The following LLGL2 variants were observed in gnomAD, a reference collection of about 807,000 sequenced individuals.
The protein encoded by LLGL2 is LLGL scribble cell polarity complex component 2, also known as LLGL2, scribble cell polarity complex component.
Under a neutral mutation model 123.2 loss-of-function variants are expected in LLGL2, and 81 were observed. That is an observed-to-expected ratio of 0.66 (90% CI 0.55 to 0.79). The LOEUF is 0.79. LLGL2 is among the 30% of genes least tolerant of loss of function. LLGL2 has a pLI of 0.00. For missense variants in LLGL2, 1,273 were observed against 1,414.6 expected (o/e 0.90, Z 1.61); for synonymous variants, 577 against 594.1 (o/e 0.97, Z 0.42).
chr17:75,574,739 A>C, intron 25 of LLGL2, 71 bp downstream of exon 25: 3 of 1,595,754 alleles, frequency 1.9e-6, no homozygotes, highest in Non-Finnish European at 2.6e-6. Context: ...CCCCGGCCCC[A>C]CTCCCCTGGG....
intron 1 of LLGL2, among the ~76,000 whole-genome samples, chr17:75,532,055 T>TATACAC (rs1555648011): frequency 2.1e-5 from 2 of 93,736 alleles, no homozygotes; most frequent in Admixed American, 1.2e-4. Flanking sequence ...TATGTATATA[T>TATACAC]ACACACACAC....
In LLGL2 at chr17:75,570,424, C is replaced by T. The variant is rs536211924; in HGVS notation, c.1951C>T (p.Arg651Cys). Residue 651 changes from arginine to cysteine, a missense_variant, in exon 16 of 26, where the codon CGT becomes TGT. Physicochemically the swap from Arg to Cys is radical, Grantham distance 180. Coordinates refer to ENST00000392550, the MANE Select transcript of LLGL2 (RefSeq NM_001031803.2). Reference protein sequence around the residue: ...SRVKSLKKSLRQSFRRMRRSR... With the variant: ...SRVKSLKKSLCQSFRRMRRSR... ...CGTCAAGTCCCTCAAGAAGTCCTTG[C>T]GTCAGTCATTCCGCCGGATGCGTCG... 8.7e-6 allele frequency: 14 copies of T among 1,607,490 alleles called. No individual in the cohort carries two copies. The highest frequency in any genetic ancestry group is 3.4e-5 in the Admixed American group (2 of 59,206).
chr17:75,565,239 G>A (rs1347517789), intron 10 of LLGL2, among the ~76,000 whole-genome samples: 1 of 152,236 alleles, frequency 6.6e-6, no homozygotes, highest in Non-Finnish European at 1.5e-5. Context: ...AGTCAGCCTC[G>A]TAAATTGTGT....
chr17:75,572,258 T>G (rs929194225), intron 19 of LLGL2, among the ~76,000 whole-genome samples, 194 bp downstream of exon 19: 1 of 151,994 alleles, frequency 6.6e-6, no homozygotes, highest in Non-Finnish European at 1.5e-5. Flanking sequence ...CCAGGCGCGG[T>G]GACTCATGCC....
Position 75,573,587 on chromosome 17 carries a change from C to T in LLGL2, c.2832C>T (p.Arg944=). Residue 944 remains arginine (R), a synonymous_variant, in exon 21 of 26, where the codon CGC becomes CGT. Transcript: ENST00000392550. ...LVDSAETKNH[R]PGNGAGPKKA... ...ATTCAGCAGAAACCAAGAACCACCG[C>T]CCTGGTAACGGTGCGGGCCCCAAGA... 8.7e-6 allele frequency: 14 copies of T among 1,612,502 alleles called. No homozygotes were observed. Among genetic ancestry groups the T allele is most frequent in the South Asian group, 2.2e-5 (2 of 91,090 alleles).
intron 1 of LLGL2, among the ~76,000 whole-genome samples, chr17:75,536,288 T>A (rs1040066566): frequency 1.3e-5 from 2 of 152,186 alleles, no homozygotes; most frequent in Admixed American, 6.5e-5. Context: ...TGTGGGCTCC[T>A]GAACTTGTCT....
intron 2 of LLGL2, among the ~76,000 whole-genome samples, chr17:75,546,933 G>C (rs917115751): frequency 2.6e-5 from 4 of 152,148 alleles, no homozygotes; most frequent in African/African-American, 9.7e-5. Flanking sequence ...TGTAGGCGAG[G>C]GTCAGGCCCC....
chr17:75,571,990 G>A lies in LLGL2; in HGVS notation c.2386G>A (p.Ala796Thr), dbSNP rs764814251. Residue 796 changes from alanine (A) to threonine (T), a missense_variant, in exon 19 of 26, where the codon GCC becomes ACC. Physicochemically the swap from Ala to Thr is moderately conservative, Grantham distance 58 (BLOSUM62 0). Coordinates refer to ENST00000392550, the MANE Select transcript of LLGL2 (RefSeq NM_001031803.2). ...SVPLPEPLEV[A>T]HDLSKSPDMQ... ...ACCCCTTCCCGAGCCCCTCGAAGTGGCCCATGATCTGTCGAAGAGCCCTGA... is the reference window on the plus strand; with the variant it reads ...ACCCCTTCCCGAGCCCCTCGAAGTGACCCATGATCTGTCGAAGAGCCCTGA... The A allele has an allele frequency of 2.5e-6, 4 of 1,612,728 alleles. No homozygotes were observed. The East Asian group carries it at 8.9e-5, about 36-fold the overall frequency.
At chr17:75,527,799 CAG>C (rs1417916048) in intron 1 of LLGL2, among the ~76,000 whole-genome samples, 1 of 150,692 alleles carries the variant, frequency 6.6e-6, no homozygotes, top group African/African-American at 2.4e-5. Flanking sequence ...TTTTTTGAGG[CAG>C]AGTCTTGCTC....
In LLGL2 at chr17:75,559,313, T is replaced by A; in HGVS notation, c.433T>A (p.Tyr145Asn). The A allele has an allele frequency of 6.2e-7, 1 of 1,613,428 alleles. No homozygotes were observed. Among genetic ancestry groups the A allele is most frequent in the Non-Finnish European group, 8.5e-7 (1 of 1,179,838 alleles). The part of the protein sequence containing the change: ...VLPHSSCELL[Y>N]LGTESGNVFV... ...GCCACATTCCTCCTGCGAGCTGCTC[T>A]ACCTGGGCACCGAGAGTGGCAACGT... The change falls in exon 6 of 26, where the codon TAC (tyrosine) becomes AAC (asparagine). Residue 145 changes from tyrosine to asparagine, a missense_variant. By Grantham distance (143) the Tyr-to-Asn change is moderately radical. Coordinates refer to ENST00000392550, the MANE Select transcript of LLGL2 (RefSeq NM_001031803.2). The surrounding 1 kb of genome is among the most constrained non-coding windows in gnomAD (Gnocchi z 4.6).
chr17:75,567,964 A>AG, intron 10 of LLGL2: 1 of 709,130 alleles, frequency 1.4e-6, no homozygotes, highest in Non-Finnish European at 1.7e-6. Flanking sequence ...AAAAAAAAAA[A>AG]AGACAAATGG....
intron 16 of LLGL2, among the ~76,000 whole-genome samples, 185 bp from the exon 17 acceptor site, chr17:75,570,765 G>A (rs961675626): frequency 6.6e-6 from 1 of 152,170 alleles, no homozygotes; most frequent in Non-Finnish European, 1.5e-5. Context: ...ACAACATGCT[G>A]GGGGCCCAGG....
At position 75,571,924 on chromosome 17, in the gene LLGL2, G is replaced by C. The variant is rs370375483; in HGVS notation, c.2320G>C (p.Ala774Pro). The change falls in exon 19 of 26, where the codon GCG becomes CCG. Residue 774 changes from alanine to proline, a missense_variant. Physicochemically the swap from Ala to Pro is conservative, Grantham distance 27. Transcript: ENST00000392550. ...QAKEIQLMHR[A>P]PVVGILVLDG... is the part of the protein sequence containing the mutation. The stretch of plus-strand genomic sequence containing the variant: ...CAAGGAGATCCAGCTGATGCACCGG[G>C]CGCCGGTGGTGGGCATCCTGGTGCT... 7.4e-6 allele frequency: 12 copies of C among 1,612,346 alleles called. No individual in the cohort carries two copies. Among genetic ancestry groups the C allele is most frequent in the Non-Finnish European group, 1.0e-5 (12 of 1,180,010 alleles).
rs749218398 is a variant in LLGL2, at chr17:75,571,772, G to A, written c.2282G>A (p.Arg761Gln). 1.6e-5 allele frequency: 26 copies of A among 1,607,002 alleles called. No homozygotes were observed. Among genetic ancestry groups the A allele is most frequent in the Non-Finnish European group, 2.0e-5 (24 of 1,179,626 alleles). The change falls in exon 18 of 26, where the codon CGG becomes CAG. Residue 761 changes from arginine (R) to glutamine (Q), a missense_variant. Arg to Gln is a conservative substitution (Grantham distance 43, BLOSUM62 1). Coordinates refer to ENST00000392550, the MANE Select transcript of LLGL2 (RefSeq NM_001031803.2). ...PAERRMDEPV[R>Q]AEQAKEIQLM... The stretch of plus-strand genomic sequence containing the variant: ...GAGCGGAGAATGGATGAGCCTGTGC[G>A]GGCAGAGCAGGGTGAGTGCTGGGCA...
chr17:75,527,961 A>ATT (rs146301005), intron 1 of LLGL2, among the ~76,000 whole-genome samples: 1 of 136,342 alleles, frequency 7.3e-6, no homozygotes, highest in East Asian at 2.3e-4. Context: ...CTAATTTTCT[A>ATT]TTTTTTTTTT....
chr17:75,575,098 T>C lies in LLGL2; in HGVS notation c.*220T>C, dbSNP rs1403953481. ...GTCTGTCTGGGTCCTTTGGTCAATG[T>C]TGCACAGTTTTTATTGCTCCCATCC... On this transcript the variant is annotated 3_prime_UTR_variant, in exon 26 of 26. Transcript: ENST00000392550. 1 of 617,810 alleles carries C rather than the reference T, an allele frequency of 1.6e-6. No homozygotes were observed. The highest frequency in any genetic ancestry group is 2.9e-6 in the Non-Finnish European group (1 of 346,798). 38.3% of individuals were successfully genotyped at this position (617,810 alleles called of 1,614,324 possible).
intron 2 of LLGL2, among the ~76,000 whole-genome samples, chr17:75,551,797 G>A (rs1210079821): frequency 6.6e-6 from 1 of 152,220 alleles, no homozygotes; most frequent in Non-Finnish European, 1.5e-5. Flanking sequence ...CCTAGAAGCT[G>A]CATTGTATAA....
intron 10 of LLGL2, among the ~76,000 whole-genome samples, chr17:75,567,035 G>C (rs2055471630): frequency 6.6e-6 from 1 of 152,194 alleles, no homozygotes; most frequent in African/African-American, 2.4e-5. Flanking sequence ...GAAGACAGAA[G>C]AGAAGCCATG....
Position 75,543,458 on chromosome 17 carries a change from CTG to C in LLGL2, c.35_36del (p.Val12AlafsTer12), listed in dbSNP as rs2054294143. On this transcript the variant is annotated frameshift_variant, in exon 2 of 26. Transcript: ENST00000392550. LOFTEE classifies it high-confidence loss of function. ...CGGTTCCTGAGGCCAGGGCATGACC[CTG>C]TGCGGGAGAGGCTCAAGCGGGACCT... is the stretch of plus-strand genomic sequence containing the variant. 1 of 1,612,106 alleles carries C rather than the reference CTG, an allele frequency of 6.2e-7. No homozygotes were observed. Among genetic ancestry groups the C allele is most frequent in the African/African-American group, 1.3e-5 (1 of 74,886 alleles).
Sources: allele counts gnomAD v4.1 joint callset (sites outside exome capture counted in the v4.1 genomes callset), GRCh38; gene constraint gnomAD v4.1.1; non-coding constraint Gnocchi (gnomAD v3.1); transcripts MANE v1.5; gene names NCBI Gene and HGNC (gene_info 2026-07-23, HGNC 2026-07-21).